The following AGPAT4 variants were observed in gnomAD, a reference collection of about 807,000 sequenced individuals.
The protein encoded by AGPAT4 is 1-acyl-sn-glycerol-3-phosphate acyltransferase delta.
In AGPAT4, 15 loss-of-function variants were observed where a neutral mutation model predicts 48.0. The observed-to-expected ratio is 0.31, with a 90% CI of 0.21 to 0.48. AGPAT4 has a LOEUF of 0.48. Ranked by LOEUF, AGPAT4 falls within the 20% of genes least tolerant of loss-of-function variation. The pLI, the probability that AGPAT4 is intolerant of heterozygous loss-of-function variation, is 0.99. For synonymous variants in AGPAT4, 178 were observed against 198.7 expected (o/e 0.90, Z 0.88); for missense variants, 314 against 482.5 (o/e 0.65, Z 3.27).
chr6:161,189,420 G>A lies in AGPAT4; in HGVS notation c.179-23003C>T, dbSNP rs943448117. ...GAGGAGGAAGGCATTGAGGAATCGGGGTGAAGAGAGAACCCACATGTATTG... is the reference window on the plus strand; with the variant it reads ...GAGGAGGAAGGCATTGAGGAATCGGAGTGAAGAGAGAACCCACATGTATTG... On this transcript the variant is annotated intron_variant, in intron 2 of 8. Coordinates refer to ENST00000320285, the MANE Select transcript of AGPAT4 (RefSeq NM_020133.3). The surrounding 1 kb of genome is among the most constrained non-coding windows in gnomAD (Gnocchi z 5.3). Among the ~76,000 whole-genome samples the A allele has an allele frequency of 3.3e-5, 5 of 152,152 alleles. No homozygotes were observed. The highest frequency in any genetic ancestry group is 1.2e-4 in the African/African-American group (5 of 41,430).
Position 161,147,333 on chromosome 6 carries a change from ACT to A in AGPAT4, c.768-736_768-735del, listed in dbSNP as rs1206368778. Among the ~76,000 whole-genome samples the A allele has an allele frequency of 5.9e-5, 9 of 151,960 alleles. No individual in the cohort carries two copies. Among genetic ancestry groups the A allele is most frequent in the African/African-American group, 2.2e-4 (9 of 41,376 alleles). ...CCCATACTGAACACAGGGAGAAGTC[ACT>A]CTGCCACCTTTGCCCTTCCTATTTG... On this transcript the variant is annotated intron_variant, in intron 6 of 8. Coordinates refer to ENST00000320285, the MANE Select transcript of AGPAT4 (RefSeq NM_020133.3). This position sits in a 1 kb window ranked among gnomAD's most constrained non-coding sequence, Gnocchi z 4.8.
At chr6:161,230,609 C>G (rs1482433560) in intron 2 of AGPAT4, among the ~76,000 whole-genome samples, 2 of 152,156 alleles carry the variant, frequency 1.3e-5, no homozygotes, top group Non-Finnish European at 2.9e-5. Flanking sequence ...CCTGTTTGGA[C>G]AAGTTTTTCC....
Position 161,135,543 on chromosome 6 carries a change from C to CTCA in AGPAT4, c.*994_*996dup, listed in dbSNP as rs1032470477. ...ATGGGATGTCGGCTCTGATTTGACC[C>CTCA]TCATCAGAGCAGGACCTGGCTCCTT... is the stretch of plus-strand genomic sequence containing the variant. On this transcript the variant is annotated 3_prime_UTR_variant, in exon 9 of 9. Coordinates refer to ENST00000320285, the MANE Select transcript of AGPAT4 (RefSeq NM_020133.3). 13 of 152,188 alleles carry CTCA rather than the reference C, an allele frequency of 8.5e-5. No individual in the cohort carries two copies. Among genetic ancestry groups the CTCA allele is most frequent in the African/African-American group, 2.9e-4 (12 of 41,418 alleles). 9.4% of individuals were successfully genotyped at this position (152,188 alleles called of 1,614,324 possible).
Position 161,147,006 on chromosome 6 carries a change from A to G in AGPAT4, c.768-407T>C, listed in dbSNP as rs970748380. On this transcript the variant is annotated intron_variant, in intron 6 of 8. Coordinates refer to ENST00000320285, the MANE Select transcript of AGPAT4 (RefSeq NM_020133.3). This position sits in a 1 kb window ranked among gnomAD's most constrained non-coding sequence, Gnocchi z 4.8. ...ATCGATGCATCAGAGACAATAACCT[A>G]GTAATTTCTTCTTAGCCAAGTAACC... 1.3e-5 allele frequency among the ~76,000 whole-genome samples: 2 copies of G among 152,186 alleles called. No homozygotes were observed. The highest frequency in any genetic ancestry group is 2.4e-5 in the African/African-American group (1 of 41,444).
intron 2 of AGPAT4, among the ~76,000 whole-genome samples, chr6:161,194,444 TTGTG>T (rs34145722): frequency 2.4e-4 from 35 of 148,714 alleles, no homozygotes; most frequent in African/African-American, 5.2e-4. Flanking sequence ...GTGTGTGTGT[TTGTG>T]TGTGTGTGTG....
rs1782114876 is a variant in AGPAT4 at position 161,231,231 on chromosome 6, G to C, written c.178+805C>G. On this transcript the variant is annotated intron_variant, in intron 2 of 8. Transcript: ENST00000320285. This position sits in a 1 kb window ranked among gnomAD's most constrained non-coding sequence, Gnocchi z 5.3. ...TCTCTACTTTTAAGAATAGGTATAGGCTTAAGGCTAATCAATATCAATAGC... is the reference window on the plus strand; with the variant it reads ...TCTCTACTTTTAAGAATAGGTATAGCCTTAAGGCTAATCAATATCAATAGC... Among the ~76,000 whole-genome samples, 1 of 152,032 alleles carries C rather than the reference G, an allele frequency of 6.6e-6. No individual in the cohort carries two copies. Among genetic ancestry groups the C allele is most frequent in the African/African-American group, 2.4e-5 (1 of 41,400 alleles).
rs1781599954 is a variant in AGPAT4 at position 161,214,772 on chromosome 6, A to G, written c.178+17264T>C. Among the ~76,000 whole-genome samples the G allele has an allele frequency of 6.6e-6, 1 of 152,156 alleles. No homozygotes were observed. Among genetic ancestry groups the G allele is most frequent in the South Asian group, 2.1e-4 (1 of 4,830 alleles). On this transcript the variant is annotated intron_variant, in intron 2 of 8. Transcript: ENST00000320285. The surrounding 1 kb of genome is among the most constrained non-coding windows in gnomAD (Gnocchi z 5.4). ...TGACAGAGGAAGACTCCGTCTCAAAATAAATAAATAAATAAATAATAAAAT... is the reference window on the plus strand; with the variant it reads ...TGACAGAGGAAGACTCCGTCTCAAAGTAAATAAATAAATAAATAATAAAAT...
chr6:161,176,607 G>C (rs1424153476), intron 2 of AGPAT4, among the ~76,000 whole-genome samples: 2 of 152,266 alleles, frequency 1.3e-5, no homozygotes, highest in East Asian at 3.9e-4. Flanking sequence ...TTGCCAGTCT[G>C]TGTCTTTTAA....
intron 2 of AGPAT4, among the ~76,000 whole-genome samples, chr6:161,224,893 C>G (rs1429906001): frequency 6.6e-6 from 1 of 152,180 alleles, no homozygotes; most frequent in South Asian, 2.1e-4. Flanking sequence ...TTCTAAATTT[C>G]TTTTCAAAGA....
chr6:161,215,506 G>T lies in AGPAT4; in HGVS notation c.178+16530C>A, dbSNP rs543132140. On this transcript the variant is annotated intron_variant, in intron 2 of 8. Transcript: ENST00000320285. The surrounding 1 kb of genome is among the most constrained non-coding windows in gnomAD (Gnocchi z 4.5). ...TTCAGATATCCTGGTCCTTCAGCATGAGTGTGGTTCTCAGGTCTGTCTCTC... is the reference window on the plus strand; with the variant it reads ...TTCAGATATCCTGGTCCTTCAGCATTAGTGTGGTTCTCAGGTCTGTCTCTC... Among the ~76,000 whole-genome samples, 1 of 152,136 alleles carries T rather than the reference G, an allele frequency of 6.6e-6. No homozygotes were observed. The highest frequency in any genetic ancestry group is 2.4e-5 in the African/African-American group (1 of 41,434).
In AGPAT4 at chr6:161,226,494, G is replaced by A. The variant is rs545994800; in HGVS notation, c.178+5542C>T. Among the ~76,000 whole-genome samples, 2 of 152,206 alleles carry A rather than the reference G, an allele frequency of 1.3e-5. No individual in the cohort carries two copies. Among genetic ancestry groups the A allele is most frequent in the South Asian group, 2.1e-4 (1 of 4,824 alleles). ...TTGGGGGATCAACAGCTTTCTTATCGAGAACACCACAGACTTCCCTTGTAT... is the reference window on the plus strand; with the variant it reads ...TTGGGGGATCAACAGCTTTCTTATCAAGAACACCACAGACTTCCCTTGTAT... On this transcript the variant is annotated intron_variant, in intron 2 of 8. Transcript: ENST00000320285. The surrounding 1 kb of genome is among the most constrained non-coding windows in gnomAD (Gnocchi z 6.3).
chr6:161,228,470 C>T lies in AGPAT4; in HGVS notation c.178+3566G>A, dbSNP rs552024654. The stretch of plus-strand genomic sequence containing the variant: ...AGCAACACTGAATTTGGACGCAGGG[C>T]GCCAGGGCTGGGGGTGTGGGGTGGT... On this transcript the variant is annotated intron_variant, in intron 2 of 8. Coordinates refer to ENST00000320285, the MANE Select transcript of AGPAT4 (RefSeq NM_020133.3). 5.3e-5 allele frequency among the ~76,000 whole-genome samples: 8 copies of T among 151,926 alleles called. No individual in the cohort carries two copies. The East Asian group carries it at 5.8e-4, about 11-fold the overall frequency.
At position 161,161,598 on chromosome 6, in the gene AGPAT4, C is replaced by T. The variant is rs1779938081; in HGVS notation, c.348+4650G>A. 1 of 409,030 alleles carries T rather than the reference C, an allele frequency of 2.4e-6. No homozygotes were observed. The highest frequency in any genetic ancestry group is 5.0e-6 in the Non-Finnish European group (1 of 200,252). The allele number at this position is 409,030 out of a possible 1,614,324, so 25.3% of individuals were successfully genotyped here. A position where few individuals can be genotyped will look rare whatever the true frequency, so the allele number is the denominator to read the frequency against. ...AGACCACCCTACAGAGCTGACAAAA[C>T]CATGGCGGTGGGCATATCTGCTGAA... On this transcript the variant is annotated intron_variant, in intron 3 of 8. Transcript: ENST00000320285. This position sits in a 1 kb window ranked among gnomAD's most constrained non-coding sequence, Gnocchi z 4.6.
Position 161,232,094 on chromosome 6 carries a change from G to A in AGPAT4, c.120C>T (p.Pro40=), listed in dbSNP as rs1782138819. Residue 40 remains proline (P), a synonymous_variant, in exon 2 of 9, where the codon CCC becomes CCT. Transcript: ENST00000320285. This position sits in a 1 kb window ranked among gnomAD's most constrained non-coding sequence, Gnocchi z 6.8. ...TCTTCCGGAAGAGCTGCTTGTTAAT[G>A]GGCCAGAGGAGGAGAGTGAAGAGCT... ...TIQLFTLLLW[P]INKQLFRKIN... The A allele has an allele frequency of 3.1e-6, 5 of 1,613,992 alleles. No homozygotes were observed. In the African/African-American group the frequency reaches 4.0e-5, roughly 13 times the overall value.
rs548632081 is a variant in AGPAT4 at position 161,259,051 on chromosome 6, G to A, written c.-90+14887C>T. Reference sequence around the variant, plus strand: ...GACCTCAAGTGATCCTCCCGCCTCAGCCTCCCAAAGTGCTGGGATTACAGG... The same window carrying A: ...GACCTCAAGTGATCCTCCCGCCTCAACCTCCCAAAGTGCTGGGATTACAGG... On this transcript the variant is annotated intron_variant, in intron 1 of 8. Coordinates refer to ENST00000320285, the MANE Select transcript of AGPAT4 (RefSeq NM_020133.3). This position sits in a 1 kb window ranked among gnomAD's most constrained non-coding sequence, Gnocchi z 4.9. 6.6e-6 allele frequency among the ~76,000 whole-genome samples: 1 copy of A among 152,204 alleles called. No individual in the cohort carries two copies.
intron 3 of AGPAT4, among the ~76,000 whole-genome samples, chr6:161,162,664 C>T (rs948853432): frequency 3.9e-5 from 6 of 152,218 alleles, no homozygotes; most frequent in Admixed American, 1.3e-4. Flanking sequence ...GGTCTCATCA[C>T]GCTGCCATGG....
In AGPAT4 at chr6:161,267,342, TA is replaced by T. The variant is rs755133000; in HGVS notation, c.-90+6595del. On this transcript the variant is annotated intron_variant, in intron 1 of 8. Transcript: ENST00000320285. This position sits in a 1 kb window ranked among gnomAD's most constrained non-coding sequence, Gnocchi z 5.2. ...TCTAAAATACTACCCTTTCTTGCAG[TA>T]ATTTTGCTGTTCTTAACAACTGGGA... 1.5e-4 allele frequency among the ~76,000 whole-genome samples: 23 copies of T among 152,182 alleles called. No individual in the cohort carries two copies. Among genetic ancestry groups the T allele is most frequent in the Non-Finnish European group, 2.9e-4 (20 of 68,028 alleles).
At chr6:161,250,583 T>A (rs898886201) in intron 1 of AGPAT4, among the ~76,000 whole-genome samples, 1 of 152,134 alleles carries the variant, frequency 6.6e-6, no homozygotes, top group African/African-American at 2.4e-5. Flanking sequence ...CACAAACCTT[T>A]TTTTTTCCTG....
In AGPAT4 at chr6:161,223,037, G is replaced by A. The variant is rs1385270687; in HGVS notation, c.178+8999C>T. ...GATGCTGCTTCACGGGGACGTCGCTGCGCCCTGCACAGGATGGCTGGGCTG... is the reference window on the plus strand; with the variant it reads ...GATGCTGCTTCACGGGGACGTCGCTACGCCCTGCACAGGATGGCTGGGCTG... On this transcript the variant is annotated intron_variant, in intron 2 of 8. Coordinates refer to ENST00000320285, the MANE Select transcript of AGPAT4 (RefSeq NM_020133.3). The surrounding 1 kb of genome is among the most constrained non-coding windows in gnomAD (Gnocchi z 6.3). 3.9e-5 allele frequency among the ~76,000 whole-genome samples: 6 copies of A among 152,146 alleles called. No homozygotes were observed. Among genetic ancestry groups the A allele is most frequent in the Non-Finnish European group, 8.8e-5 (6 of 68,030 alleles).
Sources: gnomAD v4.1 joint callset for allele counts (sites outside exome capture counted in the v4.1 genomes callset) on GRCh38, gnomAD v4.1.1 for gene constraint, Gnocchi (gnomAD v3.1) non-coding constraint, MANE v1.5 for transcripts, NCBI Gene and HGNC (gene_info 2026-07-23, HGNC 2026-07-21) for gene names.